Variants in BASP1 observed in about 807,000 individuals in gnomAD.
BASP1 encodes the protein brain acid soluble protein 1.
Under a neutral mutation model 2.2 loss-of-function variants are expected in BASP1, and 1 was observed. That is an observed-to-expected ratio of 0.46 (90% CI 0.16 to 2.17). The LOEUF is 2.17. Among genes scored for constraint, BASP1 ranks in the 30% most tolerant of loss-of-function variants. The probability of loss-of-function intolerance (pLI) is 0.27; values close to 1 mark genes in which losing one functional copy is unlikely to be tolerated. For synonymous variants in BASP1, 187 were observed against 154.2 expected (o/e 1.21, Z -1.58); for missense variants, 352 against 327.2 (o/e 1.08, Z -0.58).
In BASP1 at chr5:17,242,848, T is replaced by TA. The variant is rs77385290; in HGVS notation, c.-10+25051dup. Among the ~76,000 whole-genome samples, 175 of 143,466 alleles carry TA rather than the reference T, an allele frequency of 1.2e-3. 1 individual carries two copies. The highest frequency in any genetic ancestry group is 2.4e-3 in the East Asian group (12 of 4,988). The allele number at this position is 143,466 out of a possible 152,430, so 94.1% of individuals were successfully genotyped here. A position where few individuals can be genotyped will look rare whatever the true frequency, so the allele number is the denominator to read the frequency against. The stretch of plus-strand genomic sequence containing the variant: ...TAGGAAAAAAAAAGTCAACTCAGTT[T>TA]AAAAAAAAAAAAAGGTAATCGTAAG... On this transcript the variant is annotated intron_variant, in intron 1 of 1. Transcript: ENST00000322611.
intron 1 of BASP1, among the ~76,000 whole-genome samples, chr5:17,249,521 T>C (rs1740059748): frequency 6.6e-6 from 1 of 152,148 alleles, no homozygotes; most frequent in South Asian, 2.1e-4. Context: ...ATTGAGTCAA[T>C]GCTAAGGCAT....
chr5:17,217,098 G>A (rs1403952683), upstream of BASP1: 2 of 138,758 alleles, frequency 1.4e-5, no homozygotes, highest in African/African-American at 2.8e-5. Context: ...GAGAGAGAGT[G>A]AGTGAGAGAG....
At chr5:17,244,080 T>A (rs1424677459) in intron 1 of BASP1, among the ~76,000 whole-genome samples, 13 of 152,240 alleles carry the variant, frequency 8.5e-5, no homozygotes, top group Non-Finnish European at 1.9e-4. Context: ...TTTAATTTGG[T>A]GAGATTCTAT....
chr5:17,226,449 C>T (rs925024367), intron 1 of BASP1, among the ~76,000 whole-genome samples: 2 of 152,108 alleles, frequency 1.3e-5, no homozygotes, highest in African/African-American at 4.8e-5. Flanking sequence ...AATACAATAA[C>T]CAAGGTAAAT....
At chr5:17,250,077 G>C (rs1188534292) in intron 1 of BASP1, among the ~76,000 whole-genome samples, 2 of 152,016 alleles carry the variant, frequency 1.3e-5, no homozygotes, top group Non-Finnish European at 2.9e-5. Flanking sequence ...AAGTAGCTGG[G>C]GTTACAGACA....
At chr5:17,221,539 T>C (rs1395465027) in intron 1 of BASP1, among the ~76,000 whole-genome samples, 2 of 152,152 alleles carry the variant, frequency 1.3e-5, no homozygotes, top group Non-Finnish European at 1.5e-5. Context: ...TTCTTAATGA[T>C]GGTCTTAGCT....
At chr5:17,274,746 G>A (rs1740593416) in intron 1 of BASP1, among the ~76,000 whole-genome samples, 2 of 152,232 alleles carry the variant, frequency 1.3e-5, no homozygotes, top group South Asian at 2.1e-4. Flanking sequence ...ATTTCTTTTC[G>A]TGACACATTG....
rs11447766 is a variant in BASP1, at chr5:17,276,739, C to CAAAAAAAAAAAAAAAAAAAAAAAAAA, written c.*849_*850insAAAAAAAAAAAAAAAAAAAAAAAAAA. ...CTCATTGGAAAATGGAAAAAAAAAA[C>CAAAAAAAAAAAAAAAAAAAAAAAAAA]AAAAAAAAAACAAAAAAATGTACAA... is the stretch of plus-strand genomic sequence containing the variant. On this transcript the variant is annotated 3_prime_UTR_variant, in exon 2 of 2. Transcript: ENST00000322611. The CAAAAAAAAAAAAAAAAAAAAAAAAAA allele has an allele frequency of 6.8e-6, 1 of 147,910 alleles. No homozygotes were observed. 9.2% of individuals were successfully genotyped at this position (147,910 alleles called of 1,614,324 possible). A position where few individuals can be genotyped will look rare whatever the true frequency, so the allele number is the denominator to read the frequency against.
chr5:17,247,241 G>A (rs1740011667), intron 1 of BASP1, among the ~76,000 whole-genome samples: 1 of 152,160 alleles, frequency 6.6e-6, no homozygotes, highest in Admixed American at 6.5e-5. Flanking sequence ...CTGAAAGCAA[G>A]GTTTGTCTTT....
In BASP1 at chr5:17,275,312, AGAG is replaced by A; in HGVS notation, c.101_103del (p.Glu34del). 6.2e-7 allele frequency: 1 copy of A among 1,612,304 alleles called. No homozygotes were observed. The highest frequency in any genetic ancestry group is 1.7e-4 in the Middle Eastern group (1 of 5,984). On this transcript the variant is annotated inframe_deletion, in exon 2 of 2. Transcript: ENST00000322611. The surrounding 1 kb of genome is among the most constrained non-coding windows in gnomAD (Gnocchi z 5.3). ...AGAAGGCCGAGGGCGCGGCGACGGA[AGAG>A]GAGGGGACCCCGAAGGAGAGTGAGC...
Position 17,227,733 on chromosome 5 carries a change from T to C in BASP1, c.-10+9923T>C, listed in dbSNP as rs908571891. ...ACTCATTTTTCTAAGGAAGAAAGAA[T>C]CTCGATTAACAATTGGTGATGACAG... On this transcript the variant is annotated intron_variant, in intron 1 of 1. Transcript: ENST00000322611. 7.2e-5 allele frequency among the ~76,000 whole-genome samples: 11 copies of C among 152,164 alleles called. 1 individual carries two copies. The highest frequency in any genetic ancestry group is 4.6e-4 in the Admixed American group (7 of 15,278).
intron 1 of BASP1, among the ~76,000 whole-genome samples, chr5:17,243,572 G>A (rs886281085): frequency 4.6e-5 from 7 of 152,178 alleles, no homozygotes; most frequent in Non-Finnish European, 7.3e-5. Flanking sequence ...GTCTCCATAA[G>A]GGTTGGCTGT....
rs575502465 is a variant in BASP1 at position 17,235,842 on chromosome 5, A to C, written c.-10+18032A>C. ...ATTGATGATTGTTTCCCATGACCCC[A>C]CAGGGAGATTCCTTGGATGTAGGAA... On this transcript the variant is annotated intron_variant, in intron 1 of 1. Transcript: ENST00000322611. Among the ~76,000 whole-genome samples, 15 of 152,214 alleles carry C rather than the reference A, an allele frequency of 9.9e-5. No homozygotes were observed. The South Asian group carries it at 2.7e-3, about 27-fold the overall frequency.
rs1740605862 is a variant in BASP1, at chr5:17,275,141, C to T, written c.-9-67C>T. 6.5e-7 allele frequency: 1 copy of T among 1,527,254 alleles called. No homozygotes were observed. Among genetic ancestry groups the T allele is most frequent in the Non-Finnish European group, 9.0e-7 (1 of 1,117,072 alleles). 94.6% of individuals were successfully genotyped at this position (1,527,254 alleles called of 1,614,324 possible). Reference sequence around the variant, plus strand: ...CCAGAACCCCTTGCTTTGCAAAATGCAGCTTTTTGTGGTCCCCACACTTGC... The same window carrying T: ...CCAGAACCCCTTGCTTTGCAAAATGTAGCTTTTTGTGGTCCCCACACTTGC... On this transcript the variant is annotated intron_variant, in intron 1 of 1. Transcript: ENST00000322611. This position sits in a 1 kb window ranked among gnomAD's most constrained non-coding sequence, Gnocchi z 5.3.
rs114541223 is a variant in BASP1 at position 17,234,799 on chromosome 5, C to T, written c.-10+16989C>T. Among the ~76,000 whole-genome samples the T allele has an allele frequency of 7.8e-3, 1,192 of 152,304 alleles. 13 individuals are homozygous for T. The highest frequency in any genetic ancestry group is 0.041 in the Middle Eastern group (12 of 294). On this transcript the variant is annotated intron_variant, in intron 1 of 1. Transcript: ENST00000322611. ...GCAGATAGTCATTAAGTTTACTACT[C>T]CGATCAATTATATTCTTTTTCTTCA...
At chr5:17,220,507 A>G (rs1008723592) in intron 1 of BASP1, among the ~76,000 whole-genome samples, 1 of 152,208 alleles carries the variant, frequency 6.6e-6, no homozygotes, top group African/African-American at 2.4e-5. Flanking sequence ...AAATATTTCT[A>G]TCAGTTCGCT....
Position 17,236,171 on chromosome 5 carries a change from T to C in BASP1, c.-10+18361T>C, listed in dbSNP as rs1739740829. On this transcript the variant is annotated intron_variant, in intron 1 of 1. Transcript: ENST00000322611. The surrounding 1 kb of genome is among the most constrained non-coding windows in gnomAD (Gnocchi z 4.0). ...TTTAGTCTTTAAGACTATTCTACCTTGGGGGAGAAAAGCAAAAATGATTTC... is the reference window on the plus strand; with the variant it reads ...TTTAGTCTTTAAGACTATTCTACCTCGGGGGAGAAAAGCAAAAATGATTTC... Among the ~76,000 whole-genome samples, 1 of 152,186 alleles carries C rather than the reference T, an allele frequency of 6.6e-6. No homozygotes were observed. The highest frequency in any genetic ancestry group is 1.5e-5 in the Non-Finnish European group (1 of 68,020).
chr5:17,262,299 T>TA lies in BASP1; in HGVS notation c.-9-12908dup, dbSNP rs556828728. Among the ~76,000 whole-genome samples the TA allele has an allele frequency of 4.3e-3, 649 of 152,336 alleles. 7 individuals are homozygous for TA. Among genetic ancestry groups the TA allele is most frequent in the African/African-American group, 0.015 (626 of 41,580 alleles). On this transcript the variant is annotated intron_variant, in intron 1 of 1. Transcript: ENST00000322611. ...CCCTTTGACATAAACACTTTGCATT[T>TA]ACCCATCCTCATCTGTAGAAAGCTT...
intron 1 of BASP1, among the ~76,000 whole-genome samples, chr5:17,255,289 C>T (rs1740184888): frequency 6.6e-6 from 1 of 152,134 alleles, no homozygotes; most frequent in Admixed American, 6.5e-5. Context: ...GCTGTTCTAA[C>T]AAAAATCCTC....
Sources: gnomAD v4.1 joint callset for allele counts (sites outside exome capture counted in the v4.1 genomes callset) on GRCh38, gnomAD v4.1.1 for gene constraint, Gnocchi (gnomAD v3.1) non-coding constraint, MANE v1.5 for transcripts, NCBI Gene and HGNC (gene_info 2026-07-23, HGNC 2026-07-21) for gene names.